PPFIA1: variants seen among roughly 807,000 people sequenced by gnomAD.
PPFIA1 encodes the protein PPFI scaffold protein A1.
A neutral mutation model predicts 149.9 loss-of-function variants in PPFIA1; 25 were observed. The observed-to-expected ratio is 0.17, with a 90% CI of 0.12 to 0.23. The LOEUF is 0.23. PPFIA1 is among the 10% of genes least tolerant of loss of function. The pLI is 1.00. For missense variants in PPFIA1, 1,362 were observed against 1,506.5 expected (o/e 0.90, Z 1.59); for synonymous variants, 549 against 552.8 (o/e 0.99, Z 0.10).
chr11:70,270,986 C>T (rs2050034551), intron 1 of PPFIA1, 72 bp downstream of exon 1: 1 of 151,748 alleles, frequency 6.6e-6, no homozygotes, highest in Non-Finnish European at 1.5e-5. Context: ...CCGCGGCGGC[C>T]ACGCAGCCGA....
chr11:70,276,432 T>C (rs772286843), intron 2 of PPFIA1, among the ~76,000 whole-genome samples: 1 of 152,188 alleles, frequency 6.6e-6, no homozygotes, highest in Non-Finnish European at 1.5e-5. Context: ...TTTGGTAGTA[T>C]TTTGTTTAGG....
intron 3 of PPFIA1, 149 bp from the exon 4 acceptor site, chr11:70,324,697 AT>A: frequency 1.1e-6 from 1 of 923,164 alleles, no homozygotes; most frequent in Admixed American, 2.5e-5. Context: ...AATTTATGAT[AT>A]TTTAATACAA....
intron 2 of PPFIA1, among the ~76,000 whole-genome samples, chr11:70,294,415 C>T (rs904364005): frequency 1.3e-5 from 2 of 152,052 alleles, no homozygotes; most frequent in Admixed American, 6.6e-5. Flanking sequence ...GATATGCCCA[C>T]GTCCTTTAGA....
At chr11:70,342,416 G>T (rs932771878) in intron 14 of PPFIA1, among the ~76,000 whole-genome samples, 5 of 152,194 alleles carry the variant, frequency 3.3e-5, no homozygotes, top group African/African-American at 1.2e-4. Context: ...ATCACCCCTG[G>T]GGGGATTGCG....
chr11:70,370,625 T>G (rs1199507275), intron 21 of PPFIA1, among the ~76,000 whole-genome samples: 1 of 151,974 alleles, frequency 6.6e-6, no homozygotes, highest in Non-Finnish European at 1.5e-5. Flanking sequence ...TGACCAAAGG[T>G]GATCCGCCTG....
rs1452262421 is a variant in PPFIA1 at position 70,270,814 on chromosome 11, C to G, written c.-101C>G. On this transcript the variant is annotated 5_prime_UTR_variant, in exon 1 of 28. Coordinates refer to ENST00000253925, the MANE Select transcript of PPFIA1 (RefSeq NM_003626.5). ...CGGCGTGGGGCGGGCAGGCGGACGC[C>G]GGCCGCGGGCTGCTTTCGTCGGCTC... The G allele has an allele frequency of 6.7e-6, 1 of 149,934 alleles. No homozygotes were observed. The highest frequency in any genetic ancestry group is 6.6e-5 in the Admixed American group (1 of 15,096). The allele number at this position is 149,934 out of a possible 1,614,324, so 9.3% of individuals were successfully genotyped here. A position where few individuals can be genotyped will look rare whatever the true frequency, so the allele number is the denominator to read the frequency against.
At chr11:70,376,468 G>A (rs1002924797) in intron 24 of PPFIA1, 64 bp from the exon 25 acceptor site, 9 of 1,476,138 alleles carry the variant, frequency 6.1e-6, no homozygotes, top group South Asian at 2.3e-5. Flanking sequence ...AAACAATTAC[G>A]ATGCTAACAC....
intron 2 of PPFIA1, among the ~76,000 whole-genome samples, chr11:70,273,445 T>C (rs1441786442): frequency 6.6e-6 from 1 of 151,876 alleles, no homozygotes; most frequent in Non-Finnish European, 1.5e-5. Context: ...GGGAGAGAAG[T>C]GGGTTATTTA....
intron 2 of PPFIA1, among the ~76,000 whole-genome samples, chr11:70,314,165 T>C (rs2053456306): frequency 6.6e-6 from 1 of 152,106 alleles, no homozygotes; most frequent in Non-Finnish European, 1.5e-5. Flanking sequence ...ATTCTGTGAA[T>C]AGACAGACAG....
intron 2 of PPFIA1, among the ~76,000 whole-genome samples, chr11:70,279,519 T>C (rs979477766): frequency 6.6e-6 from 1 of 152,120 alleles, no homozygotes; most frequent in Non-Finnish European, 1.5e-5. Context: ...TCTCTATAAA[T>C]ATTCCTATTT....
chr11:70,314,522 T>A (rs1219782474), intron 2 of PPFIA1, among the ~76,000 whole-genome samples: 1 of 152,166 alleles, frequency 6.6e-6, no homozygotes, highest in Non-Finnish European at 1.5e-5. Context: ...CAAAAAAAAA[T>A]TATCTTACTT....
At chr11:70,324,181 A>G (rs1291321952) in intron 2 of PPFIA1, among the ~76,000 whole-genome samples, 1 of 152,230 alleles carries the variant, frequency 6.6e-6, no homozygotes, top group Non-Finnish European at 1.5e-5. Context: ...TCCTTGTCCC[A>G]GGGTGCAGGG....
At chr11:70,348,164 A>G (rs371699833) in intron 15 of PPFIA1, 25 bp from the exon 16 acceptor site, 3 of 1,606,438 alleles carry the variant, frequency 1.9e-6, no homozygotes, top group Non-Finnish European at 2.6e-6. Flanking sequence ...AAACAGGAGG[A>G]CTGACTGCTT....
chr11:70,309,238 C>T (rs2053092351), intron 2 of PPFIA1, among the ~76,000 whole-genome samples: 2 of 151,986 alleles, frequency 1.3e-5, no homozygotes, highest in South Asian at 4.2e-4. Flanking sequence ...GGCGCGATCT[C>T]TGCCGACCGC....
intron 2 of PPFIA1, among the ~76,000 whole-genome samples, chr11:70,275,135 G>T (rs1350135425): frequency 6.6e-6 from 1 of 152,160 alleles, no homozygotes; most frequent in Non-Finnish European, 1.5e-5. Flanking sequence ...TAGCTGTTCT[G>T]GTGGCTGTTA....
intron 2 of PPFIA1, chr11:70,282,517 G>GA (rs2050819022): frequency 3.6e-5 from 4 of 111,278 alleles, no homozygotes; most frequent in African/African-American, 1.5e-4. Flanking sequence ...TTTGAGTGCT[G>GA]ATTTTTTTTT....
chr11:70,280,480 ACT>A (rs1177006080), intron 2 of PPFIA1, among the ~76,000 whole-genome samples: 1 of 151,848 alleles, frequency 6.6e-6, no homozygotes, highest in Middle Eastern at 3.2e-3. Flanking sequence ...GAGGCAGGAG[ACT>A]CACTTGAACC....
At chr11:70,374,219 TA>T (rs1363382754) in intron 23 of PPFIA1, 1 of 152,134 alleles carries the variant, frequency 6.6e-6, no homozygotes, top group Non-Finnish European at 1.5e-5. Flanking sequence ...ACAAAAAAAT[TA>T]GCTGAGCTTC....
chr11:70,295,890 C>T (rs1311303138), intron 2 of PPFIA1, among the ~76,000 whole-genome samples: 8 of 149,110 alleles, frequency 5.4e-5, no homozygotes, highest in South Asian at 2.2e-4. Context: ...TCAGACGGGG[C>T]GGCTGCCGGG....
Sources: gnomAD v4.1 joint callset for allele counts (sites outside exome capture counted in the v4.1 genomes callset) on GRCh38, gnomAD v4.1.1 for gene constraint, MANE v1.5 for transcripts, NCBI Gene and HGNC (gene_info 2026-07-23, HGNC 2026-07-21) for gene names.